The following FBXL7 variants were observed in gnomAD, a reference collection of about 807,000 sequenced individuals.
FBXL7 encodes F-box and leucine rich repeat protein 7.
FBXL7 carries 12 observed loss-of-function variants against 38.3 expected under a neutral mutation model. The observed-to-expected ratio is 0.31, with a 90% CI of 0.20 to 0.51. The LOEUF (loss-of-function observed/expected upper bound fraction) is 0.51. FBXL7 is among the 20% of genes least tolerant of loss of function. The probability of loss-of-function intolerance (pLI) is 0.98; values close to 1 mark genes in which losing one functional copy is unlikely to be tolerated. For synonymous variants in FBXL7, 297 were observed against 300.9 expected (o/e 0.99, Z 0.13); for missense variants, 567 against 676.4 (o/e 0.84, Z 1.79).
chr5:15,665,067 G>A (rs1742225690), intron 2 of FBXL7, among the ~76,000 whole-genome samples: 1 of 152,000 alleles, frequency 6.6e-6, no homozygotes, highest in Non-Finnish European at 1.5e-5. Context: ...TCAGTATGTT[G>A]AGGTACTTTT....
intron 2 of FBXL7, among the ~76,000 whole-genome samples, chr5:15,623,825 C>T (rs1207540445): frequency 6.6e-6 from 1 of 152,126 alleles, no homozygotes; most frequent in Non-Finnish European, 1.5e-5. Context: ...CACCATTACA[C>T]TTCTCTTGAG....
chr5:15,887,373 G>A (rs1226985695), intron 2 of FBXL7, among the ~76,000 whole-genome samples: 6 of 152,138 alleles, frequency 3.9e-5, no homozygotes, highest in Non-Finnish European at 8.8e-5. Flanking sequence ...AGGGCAAGCA[G>A]GAGAATGGAT....
chr5:15,688,356 T>G (rs1225893911), intron 2 of FBXL7, among the ~76,000 whole-genome samples: 1 of 152,208 alleles, frequency 6.6e-6, no homozygotes, highest in East Asian at 1.9e-4. Flanking sequence ...GTACGTAGTA[T>G]TATCCCAATT....
chr5:15,756,333 C>G (rs1736295865), intron 2 of FBXL7, among the ~76,000 whole-genome samples: 1 of 152,134 alleles, frequency 6.6e-6, no homozygotes, highest in Non-Finnish European at 1.5e-5. Context: ...CTCCATATTT[C>G]TTTCTACCTT....
At chr5:15,516,991 A>G (rs1453210488) in intron 1 of FBXL7, among the ~76,000 whole-genome samples, 3 of 151,996 alleles carry the variant, frequency 2.0e-5, no homozygotes, top group Admixed American at 2.0e-4. Flanking sequence ...TAATACATAG[A>G]TATTGGGTTT....
chr5:15,723,578 C>T (rs140661918), intron 2 of FBXL7, among the ~76,000 whole-genome samples: 50 of 152,284 alleles, frequency 3.3e-4, no homozygotes, highest in African/African-American at 1.1e-3. Flanking sequence ...CAGTAATACG[C>T]ATGACATAGT....
At chr5:15,912,258 G>T (rs1741450747) in intron 2 of FBXL7, among the ~76,000 whole-genome samples, 2 of 93,500 alleles carry the variant, frequency 2.1e-5, no homozygotes, top group South Asian at 4.3e-4. Context: ...TCTGAAAAGC[G>T]CAATATTCGG....
chr5:15,697,221 T>C (rs1743369179), intron 2 of FBXL7, among the ~76,000 whole-genome samples: 1 of 152,130 alleles, frequency 6.6e-6, no homozygotes, highest in Admixed American at 6.5e-5. Flanking sequence ...CCTTAAGGAA[T>C]AGGTCCTCTC....
chr5:15,831,339 T>C (rs180691999), intron 2 of FBXL7, among the ~76,000 whole-genome samples: 30 of 152,312 alleles, frequency 2.0e-4, no homozygotes, highest in African/African-American at 7.2e-4. Flanking sequence ...CCTCCAGTGA[T>C]ACTAAGTGGT....
At chr5:15,679,706 G>A (rs1443326399) in intron 2 of FBXL7, among the ~76,000 whole-genome samples, 2 of 152,014 alleles carry the variant, frequency 1.3e-5, no homozygotes, top group African/African-American at 2.4e-5. Context: ...AATATCTACT[G>A]AAATATTCCC....
At chr5:15,897,213 T>A (rs1474403263) in intron 2 of FBXL7, among the ~76,000 whole-genome samples, 1 of 152,200 alleles carries the variant, frequency 6.6e-6, no homozygotes, top group East Asian at 1.9e-4. Context: ...TCTTCTAAAT[T>A]TAACAAATAT....
At position 15,729,563 on chromosome 5, in the gene FBXL7, A is replaced by C. The variant is rs1600189; in HGVS notation, c.127+113491A>C. ...AAATTTAATAAAACTTCATGCACAA[A>C]CTTCAATTTGGAAAAACTCTGTTGC... is the stretch of plus-strand genomic sequence containing the variant. On this transcript the variant is annotated intron_variant, in intron 2 of 3. Coordinates refer to ENST00000504595, the MANE Select transcript of FBXL7 (RefSeq NM_012304.5). 6.4e-3 allele frequency among the ~76,000 whole-genome samples: 979 copies of C among 152,250 alleles called. 11 individuals carry two copies. The highest frequency in any genetic ancestry group is 0.022 in the African/African-American group (920 of 41,548).
chr5:15,782,763 G>A (rs1737031972), intron 2 of FBXL7, among the ~76,000 whole-genome samples: 1 of 152,054 alleles, frequency 6.6e-6, no homozygotes, highest in Non-Finnish European at 1.5e-5. Context: ...CCAAGTGAAG[G>A]CATTTTCTTG....
chr5:15,905,011 G>A (rs1002982818), intron 2 of FBXL7, among the ~76,000 whole-genome samples: 1 of 152,194 alleles, frequency 6.6e-6, no homozygotes, highest in Non-Finnish European at 1.5e-5. Context: ...AGCAAAAGTT[G>A]TTCTTTGTGG....
chr5:15,923,248 G>A (rs72736151), intron 2 of FBXL7, among the ~76,000 whole-genome samples: 12,698 of 152,226 alleles, frequency 0.083, 787 homozygotes, highest in Admixed American at 0.23. Flanking sequence ...TGAAAGAAAC[G>A]TAGGAGAAAA....
intron 2 of FBXL7, among the ~76,000 whole-genome samples, chr5:15,893,945 A>G (rs1741013595): frequency 6.6e-6 from 1 of 152,220 alleles, no homozygotes; most frequent in South Asian, 2.1e-4. Flanking sequence ...AAAACATGTC[A>G]ACATTTGGAA....
rs373317187 is a variant in FBXL7 at position 15,917,587 on chromosome 5, G to A, written c.128-10303G>A. On this transcript the variant is annotated intron_variant, in intron 2 of 3. Coordinates refer to ENST00000504595, the MANE Select transcript of FBXL7 (RefSeq NM_012304.5). ...CATGTCACTGCACTCCAGCCTGGGT[G>A]ACAGAGTAAGACCCTGTCTCAAAAA... 1.5e-3 allele frequency among the ~76,000 whole-genome samples: 224 copies of A among 151,516 alleles called. 7 individuals carry two copies. In the South Asian group the frequency reaches 0.046, roughly 31 times the overall value.
intron 2 of FBXL7, among the ~76,000 whole-genome samples, chr5:15,682,240 G>A (rs1369170104): frequency 6.6e-6 from 1 of 152,192 alleles, no homozygotes; most frequent in Non-Finnish European, 1.5e-5. Context: ...AGATACTGTC[G>A]AGGTTCCTTC....
intron 2 of FBXL7, among the ~76,000 whole-genome samples, chr5:15,869,636 T>C (rs1210624391): frequency 6.6e-6 from 1 of 152,188 alleles, no homozygotes; most frequent in Non-Finnish European, 1.5e-5. Flanking sequence ...TTATATGTTT[T>C]GTTCGCCGCT....
Sources: allele counts gnomAD v4.1 joint callset (sites outside exome capture counted in the v4.1 genomes callset), GRCh38; gene constraint gnomAD v4.1.1; transcripts MANE v1.5; gene names NCBI Gene and HGNC (gene_info 2026-07-23, HGNC 2026-07-21).